The following USP35 variants were observed in gnomAD, a reference collection of about 807,000 sequenced individuals.
USP35 encodes ubiquitin carboxyl-terminal hydrolase 35.
A neutral mutation model predicts 83.8 loss-of-function variants in USP35; 69 were observed. That is an observed-to-expected ratio of 0.82 (90% CI 0.68 to 1.01). The LOEUF (loss-of-function observed/expected upper bound fraction) is 1.01, where lower values mean the gene tolerates loss of function less well. Ranked by LOEUF, USP35 falls within the 50% of genes least tolerant of loss-of-function variation. The pLI, the probability that USP35 is intolerant of heterozygous loss-of-function variation, is 0.00. For synonymous variants in USP35, 714 were observed against 589.5 expected (o/e 1.21, Z -3.06); for missense variants, 1,503 against 1,362.5 (o/e 1.10, Z -1.62).
the USP35 span, among the ~76,000 whole-genome samples, chr11:78,231,336 G>GGTGT: frequency 0.15 from 21,515 of 145,766 alleles, 1,961 homozygotes; most frequent in Non-Finnish European, 0.21. Context: ...GCGCGTGTGT[G>GGTGT]GTGTGTGTGT....
chr11:78,227,463 T>C, the USP35 span, among the ~76,000 whole-genome samples: 1 of 152,084 alleles, frequency 6.6e-6, no homozygotes, highest in Non-Finnish European at 1.5e-5. Flanking sequence ...ACTGTGAAAC[T>C]AGCCCATGGG....
chr11:78,208,171 A>G (rs1399805729), intron 8 of USP35, among the ~76,000 whole-genome samples: 2 of 152,182 alleles, frequency 1.3e-5, no homozygotes, highest in African/African-American at 2.4e-5. Flanking sequence ...GAAATAATAC[A>G]TTCCTGAGGG....
chr11:78,217,856 T>C (rs1453567434), downstream of USP35: 1 of 152,274 alleles, frequency 6.6e-6, no homozygotes, highest in African/African-American at 2.4e-5. Flanking sequence ...CGATCTGACA[T>C]ACGCCACAGC....
intron 6 of USP35, among the ~76,000 whole-genome samples, chr11:78,204,354 C>T (rs1235149905): frequency 2.0e-5 from 3 of 152,090 alleles, no homozygotes; most frequent in Non-Finnish European, 4.4e-5. Context: ...GTACATATGC[C>T]TTTGTAAATA....
rs777615674 is a variant in USP35 at position 78,213,764 on chromosome 11, G to A, written c.3008G>A (p.Cys1003Tyr). Residue 1003 changes from cysteine (C) to tyrosine (Y), a missense_variant, in exon 11 of 11, where the codon TGC becomes TAC. Coordinates refer to ENST00000529308, the MANE Select transcript of USP35 (RefSeq NM_020798.4). Reference protein sequence around the residue: ...KDEDEGSPGGCNPAGGNGGDF... With the variant: ...KDEDEGSPGGYNPAGGNGGDF... ...GAGGATGAAGGCTCTCCAGGGGGCT[G>A]CAATCCTGCAGGTGGCAATGGTGGT... The A allele has an allele frequency of 8.4e-5, 130 of 1,547,052 alleles. No homozygotes were observed. Among genetic ancestry groups the A allele is most frequent in the Admixed American group, 1.1e-4 (5 of 44,880 alleles).
chr11:78,236,420 G>A, the USP35 span, among the ~76,000 whole-genome samples: 1 of 151,916 alleles, frequency 6.6e-6, no homozygotes, highest in African/African-American at 2.4e-5. Flanking sequence ...TAAAGTGCTG[G>A]GATTACAGGC....
intron 1 of USP35, among the ~76,000 whole-genome samples, chr11:78,195,173 CACTA>C (rs1810993098): frequency 6.6e-6 from 1 of 152,154 alleles, no homozygotes; most frequent in African/African-American, 2.4e-5. Flanking sequence ...ACCCCACCAG[CACTA>C]ACTGATTCCA....
chr11:78,220,372 C>T, the USP35 span: 159 of 1,613,006 alleles, frequency 9.9e-5, 1 homozygote, highest in South Asian at 1.2e-3. Context: ...AGATAATCAA[C>T]GCTGCCGGTG....
At chr11:78,219,005 G>T, downstream of USP35, 1 of 436,792 alleles carries the variant, frequency 2.3e-6, no homozygotes, top group Non-Finnish European at 4.1e-6. Flanking sequence ...ATGCTTTTTG[G>T]AAGTAGCTCC....
chr11:78,223,524 G>A, the USP35 span: 1 of 1,613,320 alleles, frequency 6.2e-7, no homozygotes, highest in Non-Finnish European at 8.5e-7. Flanking sequence ...GTGAGTCAAA[G>A]TGATGGGCCC....
chr11:78,218,946 C>G (rs1864279166), downstream of USP35: 1 of 239,332 alleles, frequency 4.2e-6, no homozygotes, highest in South Asian at 9.5e-5. Flanking sequence ...CCCTTCCCTC[C>G]AAACATCTGG....
chr11:78,209,115 G>T, intron 9 of USP35, 152 bp downstream of exon 9: 1 of 836,490 alleles, frequency 1.2e-6, no homozygotes, highest in Non-Finnish European at 1.8e-6. Context: ...GGAAGGGCAG[G>T]GACTGAGTGT....
chr11:78,191,279 C>T (rs1862996527), intron 1 of USP35, among the ~76,000 whole-genome samples: 1 of 152,198 alleles, frequency 6.6e-6, no homozygotes, highest in Admixed American at 6.5e-5. Flanking sequence ...CCGAGAGGAA[C>T]AGGTGAAAGG....
At chr11:78,204,052 G>A (rs1414814589) in intron 6 of USP35, among the ~76,000 whole-genome samples, 2 of 150,814 alleles carry the variant, frequency 1.3e-5, no homozygotes, top group South Asian at 2.1e-4. Context: ...CACTACGCCC[G>A]GCTAATTTTT....
At chr11:78,211,894 T>G (rs755042839) in intron 10 of USP35, among the ~76,000 whole-genome samples, 3 of 152,228 alleles carry the variant, frequency 2.0e-5, no homozygotes, top group Non-Finnish European at 4.4e-5. Context: ...CTGTAGGTTG[T>G]GTCTACTCTG....
chr11:78,199,692 T>A lies in USP35; in HGVS notation c.904T>A (p.Leu302Met), dbSNP rs1863276469. 1.2e-6 allele frequency: 2 copies of A among 1,614,208 alleles called. No individual in the cohort carries two copies. Among genetic ancestry groups the A allele is most frequent in the Non-Finnish European group, 1.7e-6 (2 of 1,180,026 alleles). The change falls in exon 4 of 11, where the codon TTG becomes ATG. Residue 302 changes from leucine (L) to methionine (M), a missense_variant. Transcript: ENST00000529308. ...GLAAVKKFSI[L>M]IEVSLTKIEK... ...GGCTGCTGTTAAGAAGTTCAGCATC[T>A]TGATCGAGGTTTCGCTCACCAAAAT...
chr11:78,212,666 GT>G (rs1258120674), intron 10 of USP35, among the ~76,000 whole-genome samples: 1 of 152,180 alleles, frequency 6.6e-6, no homozygotes, highest in Non-Finnish European at 1.5e-5. Context: ...GTGAATGGGA[GT>G]TTGTTCATGA....
At chr11:78,200,927 T>C in intron 6 of USP35, 119 bp downstream of exon 6, 18 of 1,351,318 alleles carry the variant, frequency 1.3e-5, no homozygotes, top group Non-Finnish European at 1.7e-5. Context: ...CCTGGCTGTC[T>C]CCCATCACCT....
rs1445293804 is a variant in USP35 at position 78,214,215 on chromosome 11, G to C, written c.*402G>C. 1 of 146,630 alleles carries C rather than the reference G, an allele frequency of 6.8e-6. No individual in the cohort carries two copies. The highest frequency in any genetic ancestry group is 2.2e-4 in the East Asian group (1 of 4,608). The allele number at this position is 146,630 out of a possible 1,614,324, so 9.1% of individuals were successfully genotyped here. On this transcript the variant is annotated 3_prime_UTR_variant, in exon 11 of 11. Transcript: ENST00000529308. ...CTGCTGTACGGTATAAAGCACAGCA[G>C]GATCCAAGCCTTGCACAAAGGGGTG...
Sources: allele counts gnomAD v4.1 joint callset (sites outside exome capture counted in the v4.1 genomes callset), GRCh38; gene constraint gnomAD v4.1.1; transcripts MANE v1.5; gene names NCBI Gene and HGNC (gene_info 2026-07-23, HGNC 2026-07-21).